Variants in LAMP3 observed in about 807,000 individuals in gnomAD.
LAMP3 encodes the protein lysosome-associated membrane glycoprotein 3.
A neutral mutation model predicts 34.8 loss-of-function variants in LAMP3; 26 were observed. The observed-to-expected ratio is 0.75, with a 90% confidence interval of 0.55 to 1.04. LAMP3 has a LOEUF of 1.04. Ranked by LOEUF, LAMP3 falls within the 50% of genes least tolerant of loss-of-function variation. The probability of loss-of-function intolerance (pLI) is 0.00; values close to 1 mark genes in which losing one functional copy is unlikely to be tolerated. For synonymous variants in LAMP3, 180 were observed against 201.9 expected (o/e 0.89, Z 0.92); for missense variants, 495 against 524.0 (o/e 0.94, Z 0.54).
intron 5 of LAMP3, among the ~76,000 whole-genome samples, chr3:183,124,620 G>A (rs1229366441): frequency 6.6e-6 from 1 of 152,138 alleles, no homozygotes; most frequent in Non-Finnish European, 1.5e-5. Context: ...ATCATCTGAT[G>A]TCGTGAGTTT....
At chr3:183,144,294 C>T (rs975291141) in intron 3 of LAMP3, among the ~76,000 whole-genome samples, 1 of 152,126 alleles carries the variant, frequency 6.6e-6, no homozygotes, top group Non-Finnish European at 1.5e-5. Context: ...TATGCGAAGT[C>T]GGGGTGAGCA....
chr3:183,158,722 G>A (rs997606666), intron 1 of LAMP3, among the ~76,000 whole-genome samples: 4 of 152,068 alleles, frequency 2.6e-5, no homozygotes, highest in African/African-American at 7.2e-5. Context: ...TCCCTTCCCA[G>A]ACAGCCTTTG....
At chr3:183,159,410 G>C (rs747385927) in intron 1 of LAMP3, among the ~76,000 whole-genome samples, 2 of 152,222 alleles carry the variant, frequency 1.3e-5, no homozygotes, top group Non-Finnish European at 2.9e-5. Context: ...GGAAGGGAGG[G>C]GTGAGGAGGG....
At chr3:183,147,157 C>T (rs1167197924) in intron 3 of LAMP3, among the ~76,000 whole-genome samples, 3 of 151,954 alleles carry the variant, frequency 2.0e-5, no homozygotes, top group Admixed American at 6.6e-5. Context: ...GCAAGAGAAT[C>T]GCTTGAACCC....
At chr3:183,160,549 C>G (rs1027404422) in intron 1 of LAMP3, among the ~76,000 whole-genome samples, 18 of 152,138 alleles carry the variant, frequency 1.2e-4, no homozygotes, top group African/African-American at 3.4e-4. Flanking sequence ...GTCTTGAATG[C>G]CAGTCTCAGG....
At chr3:183,153,594 C>A (rs1720723861) in intron 2 of LAMP3, 88 bp downstream of exon 2, 1 of 847,056 alleles carries the variant, frequency 1.2e-6, no homozygotes, top group African/African-American at 1.7e-5. Flanking sequence ...TTTAAAGACA[C>A]AGGATGTGGG....
chr3:183,151,070 C>T (rs1387873750), intron 3 of LAMP3, among the ~76,000 whole-genome samples: 3 of 152,206 alleles, frequency 2.0e-5, no homozygotes, highest in Non-Finnish European at 2.9e-5. Context: ...AACCGCCACT[C>T]TTCACTGAAC....
At chr3:183,156,390 C>T (rs1033824543) in intron 1 of LAMP3, among the ~76,000 whole-genome samples, 2 of 72,362 alleles carry the variant, frequency 2.8e-5, no homozygotes, top group East Asian at 7.5e-4. Flanking sequence ...AACAAACAGA[C>T]GATGTCTTTA....
At chr3:183,130,063 G>T (rs1334788208) in intron 5 of LAMP3, among the ~76,000 whole-genome samples, 4 of 151,520 alleles carry the variant, frequency 2.6e-5, no homozygotes, top group Non-Finnish European at 4.4e-5. Flanking sequence ...CTAGCCTCCA[G>T]AACTGTGAGA....
chr3:183,124,144 A>G lies in LAMP3; in HGVS notation c.1188T>C (p.Leu396=). The change falls in exon 6 of 6, where the codon CTT becomes CTC. Residue 396 remains leucine, a synonymous_variant. Transcript: ENST00000265598. ...VIGAIVVGLC[L]MGMGVYKIRL... Reference sequence around the variant, plus strand: ...GGATTTTATAGACACCCATACCCATAAGGCAGAGACCAACCACGATGGCCC... The same window carrying G: ...GGATTTTATAGACACCCATACCCATGAGGCAGAGACCAACCACGATGGCCC... The G allele has an allele frequency of 1.2e-6, 2 of 1,613,096 alleles. No individual in the cohort carries two copies. The highest frequency in any genetic ancestry group is 1.7e-6 in the Non-Finnish European group (2 of 1,179,654).
At chr3:183,153,638 A>T in intron 2 of LAMP3, 44 bp downstream of exon 2, 2 of 1,383,770 alleles carry the variant, frequency 1.4e-6, no homozygotes. Flanking sequence ...ACCTCCACTC[A>T]GACTTTTTGA....
At chr3:183,161,169 T>C (rs769734227) in intron 1 of LAMP3, among the ~76,000 whole-genome samples, 36 of 152,146 alleles carry the variant, frequency 2.4e-4, no homozygotes, top group Non-Finnish European at 4.3e-4. Flanking sequence ...CCCGAAAGGT[T>C]GGGTGATGTG....
In LAMP3 at chr3:183,135,766, G is replaced by C. The variant is rs35597162; in HGVS notation, c.1068C>G (p.Thr356=). ...AATCAAAGGCTTGAAGTTGGACATC[G>C]GTTGTTTTCACCTGCAGGTGGGCTG... ...QLSAHLQVKT[T]DVQLQAFDFE... is the part of the protein sequence containing the mutation. The change falls in exon 5 of 6, where the codon ACC becomes ACG. Residue 356 remains threonine (T), a synonymous_variant. Coordinates refer to ENST00000265598, the MANE Select transcript of LAMP3 (RefSeq NM_014398.4). The C allele has an allele frequency of 6.8e-6, 11 of 1,614,038 alleles. No homozygotes were observed. The highest frequency in any genetic ancestry group is 8.5e-6 in the Non-Finnish European group (10 of 1,180,040).
At chr3:183,145,053 C>T (rs1317242616) in intron 3 of LAMP3, among the ~76,000 whole-genome samples, 2 of 152,122 alleles carry the variant, frequency 1.3e-5, no homozygotes, top group Non-Finnish European at 2.9e-5. Context: ...TAGAGCTGCC[C>T]GGCCAAAGGG....
At chr3:183,127,964 T>A (rs1373934013) in intron 5 of LAMP3, among the ~76,000 whole-genome samples, 4 of 151,990 alleles carry the variant, frequency 2.6e-5, no homozygotes, top group African/African-American at 7.3e-5. Context: ...ACCCCGTCTC[T>A]ACTAAAAATA....
chr3:183,152,477 G>A lies in LAMP3; in HGVS notation c.786C>T (p.Asn262=). The A allele has an allele frequency of 6.2e-7, 1 of 1,612,204 alleles. No homozygotes were observed. Among genetic ancestry groups the A allele is most frequent in the Non-Finnish European group, 8.5e-7 (1 of 1,179,288 alleles). ...AGGCTTGCGTTGCGTTGGGGTCGAT[G>A]TTGAAGTATCTCCGAGGTGAAAAAA... ...ESVFSPRRYF[N]IDPNATQASG... Residue 262 remains asparagine (N), a synonymous_variant, in exon 3 of 6, where the codon AAC becomes AAT. Transcript: ENST00000265598.
intron 2 of LAMP3, among the ~76,000 whole-genome samples, chr3:183,153,190 A>AAG (rs1720708058): frequency 1.3e-5 from 2 of 151,252 alleles, no homozygotes; most frequent in Non-Finnish European, 3.0e-5. Flanking sequence ...AAAAAAAAAA[A>AAG]AAGAAAGAAA....
At chr3:183,163,238 G>A (rs997926400), upstream of LAMP3, among the ~76,000 whole-genome samples, 1 of 150,396 alleles carries the variant, frequency 6.6e-6, no homozygotes, top group Non-Finnish European at 1.5e-5. Context: ...TTATAGACGT[G>A]AGCCACCGAG....
intron 5 of LAMP3, among the ~76,000 whole-genome samples, chr3:183,127,576 A>C (rs900944521): frequency 2.0e-5 from 3 of 152,098 alleles, no homozygotes; most frequent in African/African-American, 7.2e-5. Flanking sequence ...TTTTATAATA[A>C]CCTTATCACT....
Sources: allele counts gnomAD v4.1 joint callset (sites outside exome capture counted in the v4.1 genomes callset), GRCh38; gene constraint gnomAD v4.1.1; transcripts MANE v1.5; gene names NCBI Gene and HGNC (gene_info 2026-07-23, HGNC 2026-07-21).